CCDC60: variants seen among roughly 807,000 people sequenced by gnomAD.
CCDC60 encodes coiled-coil domain containing 60.
In CCDC60, 54 loss-of-function variants were observed where a neutral mutation model predicts 63.5. The observed-to-expected ratio is 0.85, with a 90% CI of 0.68 to 1.07. CCDC60 has a LOEUF of 1.07. Ranked by LOEUF, CCDC60 falls within the 50% of genes least tolerant of loss-of-function variation. The pLI, the probability that CCDC60 is intolerant of heterozygous loss-of-function variation, is 0.00. For missense variants in CCDC60, 651 were observed against 684.3 expected, an observed-to-expected ratio of 0.95 and a Z score of 0.54; for synonymous variants, 206 against 238.8, an observed-to-expected ratio of 0.86 and a Z score of 1.27.
chr12:119,341,590 T>A (rs1373673114), intron 1 of CCDC60, among the ~76,000 whole-genome samples: 2 of 152,236 alleles, frequency 1.3e-5, no homozygotes, highest in East Asian at 3.8e-4. Context: ...GATACCCAGT[T>A]AGCCTCCACT....
chr12:119,524,721 C>CTTT (rs55694840), intron 11 of CCDC60, among the ~76,000 whole-genome samples: 15 of 99,036 alleles, frequency 1.5e-4, no homozygotes, highest in African/African-American at 4.2e-4. Flanking sequence ...CTTTTCTTTT[C>CTTT]TTTTTTTTTT....
intron 1 of CCDC60, among the ~76,000 whole-genome samples, chr12:119,382,889 T>G (rs1400182530): frequency 6.6e-6 from 1 of 152,152 alleles, no homozygotes; most frequent in East Asian, 1.9e-4. Context: ...AAAGCTTTAC[T>G]TCTCTCCTTT....
intron 1 of CCDC60, among the ~76,000 whole-genome samples, chr12:119,400,010 T>C (rs1472462242): frequency 6.6e-6 from 1 of 151,544 alleles, no homozygotes; most frequent in Admixed American, 6.6e-5. Flanking sequence ...TATGTGTCAC[T>C]CCCACCTTAG....
chr12:119,382,158 AC>A (rs1426395143), intron 1 of CCDC60, among the ~76,000 whole-genome samples: 8 of 152,108 alleles, frequency 5.3e-5, no homozygotes, highest in African/African-American at 1.9e-4. Flanking sequence ...TAGCCACGAA[AC>A]TTTTAGCCAC....
At chr12:119,419,869 C>CTT (rs1206831493) in intron 1 of CCDC60, among the ~76,000 whole-genome samples, 61 of 106,460 alleles carry the variant, frequency 5.7e-4, no homozygotes, top group East Asian at 2.6e-3. Flanking sequence ...TTAAATAATT[C>CTT]TTTTTTTTTT....
chr12:119,504,133 G>C (rs1010081880), intron 6 of CCDC60, among the ~76,000 whole-genome samples: 1 of 152,128 alleles, frequency 6.6e-6, no homozygotes, highest in Non-Finnish European at 1.5e-5. Flanking sequence ...AAAAACTTTT[G>C]AAGTATTTTG....
chr12:119,351,310 C>T (rs1329568308), intron 1 of CCDC60, among the ~76,000 whole-genome samples: 1 of 152,204 alleles, frequency 6.6e-6, no homozygotes, highest in Non-Finnish European at 1.5e-5. Flanking sequence ...TGGTCTTTCT[C>T]ACTTTCACTT....
intron 1 of CCDC60, among the ~76,000 whole-genome samples, chr12:119,368,123 G>A (rs1955861169): frequency 8.0e-6 from 1 of 124,456 alleles, no homozygotes; most frequent in Admixed American, 8.5e-5. Context: ...GAGAAGGAAA[G>A]AAGGAAGAAG....
chr12:119,513,071 A>G (rs768839306), intron 7 of CCDC60, among the ~76,000 whole-genome samples: 2 of 152,210 alleles, frequency 1.3e-5, no homozygotes, highest in Non-Finnish European at 2.9e-5. Flanking sequence ...GTGATGTTTC[A>G]GCACCGTGGA....
chr12:119,531,571 C>T (rs1432961104), intron 13 of CCDC60, among the ~76,000 whole-genome samples: 1 of 152,046 alleles, frequency 6.6e-6, no homozygotes, highest in Non-Finnish European at 1.5e-5. Context: ...CATGAGAAGA[C>T]GGCACCATGA....
At chr12:119,540,104 C>A (rs1310478275) in intron 13 of CCDC60, among the ~76,000 whole-genome samples, 2 of 150,768 alleles carry the variant, frequency 1.3e-5, no homozygotes, top group African/African-American at 4.9e-5. Flanking sequence ...CTGGGAGCTG[C>A]AGACTGGAGC....
At chr12:119,524,690 G>A (rs908446026) in intron 11 of CCDC60, among the ~76,000 whole-genome samples, 4 of 138,030 alleles carry the variant, frequency 2.9e-5, no homozygotes, top group African/African-American at 1.1e-4. Context: ...GGTTTCCTTG[G>A]AGGAAACAGC....
chr12:119,500,458 C>CA (rs1442089388), intron 6 of CCDC60, among the ~76,000 whole-genome samples: 1 of 152,072 alleles, frequency 6.6e-6, no homozygotes, highest in Non-Finnish European at 1.5e-5. Flanking sequence ...GGACTCACCT[C>CA]ACTCTATCTT....
intron 6 of CCDC60, among the ~76,000 whole-genome samples, chr12:119,502,690 AC>A (rs1448160850): frequency 6.6e-6 from 1 of 152,094 alleles, no homozygotes; most frequent in African/African-American, 2.4e-5. Flanking sequence ...CAAGGAAGAC[AC>A]CCCTGGATAT....
At chr12:119,402,934 C>G (rs144399525) in intron 1 of CCDC60, among the ~76,000 whole-genome samples, 2 of 152,138 alleles carry the variant, frequency 1.3e-5, no homozygotes, top group Non-Finnish European at 2.9e-5. Flanking sequence ...ATGTGGCCTA[C>G]GCAAAAGAGA....
chr12:119,523,598 G>C, intron 10 of CCDC60, 95 bp from the exon 11 acceptor site: 3 of 1,552,636 alleles, frequency 1.9e-6, no homozygotes, highest in Non-Finnish European at 2.6e-6. Context: ...CCCATGCAGA[G>C]CACCTTGGGG....
At chr12:119,503,802 A>G (rs1032876646) in intron 6 of CCDC60, among the ~76,000 whole-genome samples, 1 of 152,136 alleles carries the variant, frequency 6.6e-6, no homozygotes, top group African/African-American at 2.4e-5. Flanking sequence ...GCTGAATACA[A>G]TTCTCTCCAC....
At position 119,428,748 on chromosome 12, in the gene CCDC60, C is replaced by G; in HGVS notation, c.156C>G (p.Asp52Glu). ...MDKEIINLKK[D>E]LIRSRFLIQS... Reference sequence around the variant, plus strand: ...AGGAAATAATAAACCTCAAAAAGGACCTTATACGAAGCCGGTGAGTGAGCC... The same window carrying G: ...AGGAAATAATAAACCTCAAAAAGGAGCTTATACGAAGCCGGTGAGTGAGCC... The change falls in exon 2 of 14, where the codon GAC (aspartate) becomes GAG (glutamate). Residue 52 changes from aspartate to glutamate, a missense_variant. By Grantham distance (45) the Asp-to-Glu change is conservative. Transcript: ENST00000327554. 1 of 1,599,928 alleles carries G rather than the reference C, an allele frequency of 6.3e-7. No homozygotes were observed. The highest frequency in any genetic ancestry group is 8.5e-7 in the Non-Finnish European group (1 of 1,170,908).
At chr12:119,345,323 G>A (rs1288880782) in intron 1 of CCDC60, among the ~76,000 whole-genome samples, 1 of 152,128 alleles carries the variant, frequency 6.6e-6, no homozygotes, top group Non-Finnish European at 1.5e-5. Flanking sequence ...TCAACATGGT[G>A]AAATCCCGTC....
Sources: allele counts gnomAD v4.1 joint callset (sites outside exome capture counted in the v4.1 genomes callset), GRCh38; gene constraint gnomAD v4.1.1; transcripts MANE v1.5; gene names NCBI Gene and HGNC (gene_info 2026-07-23, HGNC 2026-07-21).